The following ARHGAP24 variants were observed in gnomAD, a reference collection of about 807,000 sequenced individuals.
The protein encoded by ARHGAP24 is Rho GTPase activating protein 24.
Under a neutral mutation model 76.4 loss-of-function variants are expected in ARHGAP24, and 50 were observed. The ratio of observed to expected loss-of-function variants is 0.65; its 90% CI spans 0.52 to 0.83. The LOEUF (loss-of-function observed/expected upper bound fraction) is 0.83. Among genes scored for constraint, ARHGAP24 ranks in the 40% least tolerant of loss-of-function variants. ARHGAP24 has a pLI of 0.00. For missense variants in ARHGAP24, 930 were observed against 914.2 expected (o/e 1.02, Z -0.22); for synonymous variants, 345 against 323.3 (o/e 1.07, Z -0.72).
At chr4:85,675,830 C>T (rs558268855) in intron 2 of ARHGAP24, among the ~76,000 whole-genome samples, 5 of 152,270 alleles carry the variant, frequency 3.3e-5, no homozygotes, top group African/African-American at 9.6e-5. Flanking sequence ...CTCCTATCCA[C>T]TCAAAGTCAT....
intron 2 of ARHGAP24, among the ~76,000 whole-genome samples, chr4:85,606,362 A>G (rs1323284610): frequency 6.6e-6 from 1 of 152,002 alleles, no homozygotes; most frequent in Non-Finnish European, 1.5e-5. Context: ...AATACAAAAA[A>G]ATTGACTGGG....
intron 2 of ARHGAP24, among the ~76,000 whole-genome samples, chr4:85,719,630 A>G (rs187289805): frequency 1.3e-5 from 2 of 152,352 alleles, no homozygotes; most frequent in Non-Finnish European, 2.9e-5. Flanking sequence ...AGTTTTTAAC[A>G]CTGGCTTCAT....
intron 3 of ARHGAP24, among the ~76,000 whole-genome samples, chr4:85,916,391 A>C (rs1735396623): frequency 6.6e-6 from 1 of 151,854 alleles, no homozygotes; most frequent in Non-Finnish European, 1.5e-5. Flanking sequence ...TAGCTTCTTC[A>C]CCTGGTCCAG....
intron 3 of ARHGAP24, among the ~76,000 whole-genome samples, chr4:85,755,194 G>T (rs537130924): frequency 3.3e-5 from 5 of 152,154 alleles, no homozygotes; most frequent in Admixed American, 3.3e-4. Flanking sequence ...TTTTTTTCTT[G>T]AATCATAAAA....
chr4:85,874,148 A>C (rs2601865), intron 3 of ARHGAP24, among the ~76,000 whole-genome samples: 8 of 152,188 alleles, frequency 5.3e-5, no homozygotes, highest in African/African-American at 1.7e-4. Flanking sequence ...CAACGATAAC[A>C]ATCTGTACAA....
At chr4:85,695,290 T>C (rs532719672) in intron 2 of ARHGAP24, among the ~76,000 whole-genome samples, 110 of 152,312 alleles carry the variant, frequency 7.2e-4, no homozygotes, top group Non-Finnish European at 1.3e-3. Context: ...AAGACCATGG[T>C]TCATATTCTC....
At chr4:85,989,360 C>T (rs1263787106) in intron 8 of ARHGAP24, among the ~76,000 whole-genome samples, 2 of 151,470 alleles carry the variant, frequency 1.3e-5, no homozygotes, top group African/African-American at 2.4e-5. Flanking sequence ...AAGAAAGAAA[C>T]TGAGACTAGT....
At chr4:85,938,229 A>C (rs983879218) in intron 4 of ARHGAP24, among the ~76,000 whole-genome samples, 1 of 152,012 alleles carries the variant, frequency 6.6e-6, no homozygotes, top group Non-Finnish European at 1.5e-5. Flanking sequence ...CAGGGAGGGG[A>C]GGTAGGCATG....
intron 1 of ARHGAP24, among the ~76,000 whole-genome samples, chr4:85,504,567 G>A (rs1212464166): frequency 1.3e-5 from 2 of 151,950 alleles, no homozygotes; most frequent in Admixed American, 1.3e-4. Flanking sequence ...TTTTCCATTT[G>A]CTTGGTAGAT....
At chr4:85,646,421 T>G (rs1331634631) in intron 2 of ARHGAP24, among the ~76,000 whole-genome samples, 1 of 152,056 alleles carries the variant, frequency 6.6e-6, no homozygotes, top group Non-Finnish European at 1.5e-5. Flanking sequence ...ATTAAATGAC[T>G]TTCTCAACCC....
chr4:85,947,009 T>C (rs1000833558), intron 5 of ARHGAP24, among the ~76,000 whole-genome samples: 1 of 152,184 alleles, frequency 6.6e-6, no homozygotes, highest in Non-Finnish European at 1.5e-5. Flanking sequence ...TTTTGACTTT[T>C]TAACAAAAGC....
intron 2 of ARHGAP24, among the ~76,000 whole-genome samples, chr4:85,627,882 C>T (rs901511200): frequency 4.6e-5 from 7 of 152,150 alleles, no homozygotes; most frequent in South Asian, 2.1e-4. Flanking sequence ...GAGCCAGGTG[C>T]GGGATATAAT....
intron 9 of ARHGAP24, 35 bp from the exon 10 acceptor site, chr4:86,000,444 T>TGG: frequency 1.8e-5 from 11 of 616,692 alleles, no homozygotes; most frequent in East Asian, 5.5e-5. Flanking sequence ...TACTCTTGCG[T>TGG]CCCCACCCCC....
chr4:85,854,062 G>A (rs1283464014), intron 3 of ARHGAP24, among the ~76,000 whole-genome samples: 1 of 150,542 alleles, frequency 6.6e-6, no homozygotes, highest in Non-Finnish European at 1.5e-5. Context: ...TTGAATCTGG[G>A]AGGCTGAGGT....
At chr4:85,550,509 G>A (rs1726089544) in intron 1 of ARHGAP24, among the ~76,000 whole-genome samples, 1 of 152,094 alleles carries the variant, frequency 6.6e-6, no homozygotes, top group Admixed American at 6.5e-5. Flanking sequence ...TTTTGCTTAA[G>A]GTTGTCTTGG....
chr4:85,824,485 A>T (rs1171628534), intron 3 of ARHGAP24, among the ~76,000 whole-genome samples: 2 of 152,232 alleles, frequency 1.3e-5, no homozygotes, highest in Non-Finnish European at 2.9e-5. Context: ...GAAATGAAAC[A>T]TTGCCTCTAG....
At chr4:85,775,926 G>A (rs1205142749) in intron 3 of ARHGAP24, among the ~76,000 whole-genome samples, 1 of 152,140 alleles carries the variant, frequency 6.6e-6, no homozygotes, top group Non-Finnish European at 1.5e-5. Flanking sequence ...GAAATCATGG[G>A]TATAAGGAGG....
intron 2 of ARHGAP24, among the ~76,000 whole-genome samples, chr4:85,628,529 G>T (rs1578091882): frequency 6.6e-6 from 1 of 152,108 alleles, no homozygotes; most frequent in Non-Finnish European, 1.5e-5. Context: ...ATCTGTGGCG[G>T]TGTTCACATC....
intron 3 of ARHGAP24, among the ~76,000 whole-genome samples, chr4:85,832,804 A>G (rs1429765238): frequency 2.0e-5 from 3 of 152,226 alleles, no homozygotes; most frequent in African/African-American, 4.8e-5. Flanking sequence ...GTGTGCTTAC[A>G]TGCACAGGGG....
Sources: allele counts gnomAD v4.1 joint callset (sites outside exome capture counted in the v4.1 genomes callset), GRCh38; gene constraint gnomAD v4.1.1; transcripts MANE v1.5; gene names NCBI Gene and HGNC (gene_info 2026-07-23, HGNC 2026-07-21).